ARID4A: variants seen among roughly 807,000 people sequenced by gnomAD.
The protein encoded by ARID4A is AT-rich interaction domain 4A, also known as AT-rich interactive domain-containing protein 4A.
In ARID4A, 39 loss-of-function variants were observed where a neutral mutation model predicts 148.6. The ratio of observed to expected loss-of-function variants is 0.26; its 90% CI spans 0.20 to 0.34. The LOEUF is 0.34. Ranked by LOEUF, ARID4A falls within the 10% of genes least tolerant of loss-of-function variation. The pLI is 1.00. For missense variants in ARID4A, 1,265 were observed against 1,449.1 expected, an observed-to-expected ratio of 0.87 and a Z score of 2.06; for synonymous variants, 475 against 481.2, an observed-to-expected ratio of 0.99 and a Z score of 0.17.
intron 17 of ARID4A, among the ~76,000 whole-genome samples, chr14:58,358,806 T>C (rs532229980): frequency 6.6e-6 from 1 of 152,320 alleles, no homozygotes; most frequent in East Asian, 1.9e-4. Flanking sequence ...CAGATCTGAT[T>C]ATAAGCTCAG....
At chr14:58,336,309 C>G (rs1451513412) in intron 11 of ARID4A, among the ~76,000 whole-genome samples, 1 of 152,128 alleles carries the variant, frequency 6.6e-6, no homozygotes, top group African/African-American at 2.4e-5. Context: ...TTTCTTTCTT[C>G]TAAGCTATAT....
intron 3 of ARID4A, among the ~76,000 whole-genome samples, 188 bp from the exon 4 acceptor site, chr14:58,304,756 G>A (rs2031467394): frequency 6.6e-6 from 1 of 152,062 alleles, no homozygotes; most frequent in Non-Finnish European, 1.5e-5. Flanking sequence ...TGGGGATATA[G>A]CAATGAAGGG....
Position 58,301,706 on chromosome 14 carries a change from A to C in ARID4A, c.117+16A>C. The C allele has an allele frequency of 6.3e-7, 1 of 1,591,676 alleles. No individual in the cohort carries two copies. The highest frequency in any genetic ancestry group is 8.6e-7 in the Non-Finnish European group (1 of 1,161,176). On this transcript the variant is annotated intron_variant, in intron 3 of 23. Transcript: ENST00000355431. ...GAAAGTTAAGGTAATATTTGTTTTT[A>C]TGCAATAGTTTTATTAACTCTAGAT...
chr14:58,317,502 G>A (rs1240322227), intron 5 of ARID4A, among the ~76,000 whole-genome samples: 1 of 150,750 alleles, frequency 6.6e-6, no homozygotes, highest in South Asian at 2.1e-4. Flanking sequence ...TAGCCAGGAT[G>A]GTCTCGATTT....
rs376865662 is a variant in ARID4A at position 58,354,827 on chromosome 14, G to A, written c.1853+972G>A. On this transcript the variant is annotated intron_variant, in intron 17 of 23. Coordinates refer to ENST00000355431, the MANE Select transcript of ARID4A (RefSeq NM_002892.4). ...GACCAAGGTAACATTATAATTGGTAGAGAAACAGCAATCACCCACATTAGT... is the reference window on the plus strand; with the variant it reads ...GACCAAGGTAACATTATAATTGGTAAAGAAACAGCAATCACCCACATTAGT... Among the ~76,000 whole-genome samples, 4 of 152,290 alleles carry A rather than the reference G, an allele frequency of 2.6e-5. 1 individual carries two copies.
chr14:58,349,973 G>T (rs1262915354), intron 15 of ARID4A, among the ~76,000 whole-genome samples: 1 of 151,658 alleles, frequency 6.6e-6, no homozygotes, highest in Non-Finnish European at 1.5e-5. Flanking sequence ...GCTGGGCATG[G>T]TGGTGCGCGC....
intron 8 of ARID4A, among the ~76,000 whole-genome samples, chr14:58,325,744 G>T (rs767691346): frequency 1.3e-5 from 2 of 152,046 alleles, no homozygotes; most frequent in Non-Finnish European, 2.9e-5. Context: ...TCAGTTCCTA[G>T]ATAATAGATT....
At chr14:58,350,484 CAT>C (rs1456402279) in intron 15 of ARID4A, among the ~76,000 whole-genome samples, 4 of 152,166 alleles carry the variant, frequency 2.6e-5, no homozygotes, top group African/African-American at 7.2e-5. Context: ...GGTGGTAAAA[CAT>C]ATTGCTGTTG....
chr14:58,302,075 T>C (rs1348499798), intron 3 of ARID4A, among the ~76,000 whole-genome samples: 1 of 152,200 alleles, frequency 6.6e-6, no homozygotes, highest in Non-Finnish European at 1.5e-5. Flanking sequence ...GTTTATTTTG[T>C]GACTGGGCGT....
rs567073056 is a variant in ARID4A at position 58,312,412 on chromosome 14, C to T, written c.275-6130C>T. The stretch of plus-strand genomic sequence containing the variant: ...TATATTTTTAGTAGAGACGGGGTTT[C>T]GCCATGTTAGCCAGGCCAGTCTCGA... On this transcript the variant is annotated intron_variant, in intron 5 of 23. Transcript: ENST00000355431. Among the ~76,000 whole-genome samples, 34 of 151,970 alleles carry T rather than the reference C, an allele frequency of 2.2e-4. No individual in the cohort carries two copies. The South Asian group carries it at 3.3e-3, about 15-fold the overall frequency.
At chr14:58,331,995 A>ACCC (rs58313316) in intron 11 of ARID4A, among the ~76,000 whole-genome samples, 22 of 85,190 alleles carry the variant, frequency 2.6e-4, no homozygotes, top group East Asian at 8.5e-4. Context: ...CATTTTCCCT[A>ACCC]CCCCCCCCCC....
intron 8 of ARID4A, among the ~76,000 whole-genome samples, chr14:58,325,111 CAA>C (rs996340236): frequency 6.6e-6 from 1 of 152,122 alleles, no homozygotes; most frequent in African/African-American, 2.4e-5. Flanking sequence ...AAGCGATACA[CAA>C]GAGAATTATT....
intron 5 of ARID4A, among the ~76,000 whole-genome samples, chr14:58,317,062 G>A (rs1376817837): frequency 6.7e-6 from 1 of 149,542 alleles, no homozygotes; most frequent in Non-Finnish European, 1.5e-5. Flanking sequence ...GCGTGGTGAC[G>A]TGTGCCTGTA....
chr14:58,367,243 G>A (rs1453734842), intron 23 of ARID4A, among the ~76,000 whole-genome samples: 4 of 152,198 alleles, frequency 2.6e-5, no homozygotes, highest in Non-Finnish European at 4.4e-5. Context: ...TCCAAAATGG[G>A]TGATTGTACT....
At chr14:58,305,723 A>G (rs931672280) in intron 4 of ARID4A, among the ~76,000 whole-genome samples, 1 of 152,190 alleles carries the variant, frequency 6.6e-6, no homozygotes, top group South Asian at 2.1e-4. Context: ...GCTCTAAAGT[A>G]AGATTTAAGA....
chr14:58,342,496 C>T (rs2034161883), intron 11 of ARID4A, among the ~76,000 whole-genome samples: 1 of 152,090 alleles, frequency 6.6e-6, no homozygotes, highest in African/African-American at 2.4e-5. Flanking sequence ...ACCTAATTTG[C>T]AATTGATGAG....
rs2035305761 is a variant in ARID4A at position 58,365,273 on chromosome 14, G to T, written c.3184G>T (p.Val1062Leu). ...NVASGTCSII[V>L]QERESREKGQ... ...TGCCTCTGGTACCTGTAGTATAATTGTACAAGAGAGAGAGAGCAGAGAGAA... is the reference window on the plus strand; with the variant it reads ...TGCCTCTGGTACCTGTAGTATAATTTTACAAGAGAGAGAGAGCAGAGAGAA... Residue 1062 changes from valine (V) to leucine (L), a missense_variant, in exon 20 of 24, where the codon GTA becomes TTA. Physicochemically the swap from Val to Leu is conservative, Grantham distance 32. This residue lies in a region of ARID4A where 666 missense variants were observed against 730.9 expected (regional missense o/e 0.91). Transcript: ENST00000355431. 3 of 1,613,540 alleles carry T rather than the reference G, an allele frequency of 1.9e-6. No homozygotes were observed. The highest frequency in any genetic ancestry group is 2.5e-6 in the Non-Finnish European group (3 of 1,179,706).
intron 5 of ARID4A, among the ~76,000 whole-genome samples, chr14:58,313,887 G>T (rs1021789743): frequency 2.6e-5 from 4 of 152,092 alleles, no homozygotes; most frequent in African/African-American, 9.7e-5. Flanking sequence ...CTGGGCCTCC[G>T]GCCAATTGGA....
At position 58,345,574 on chromosome 14, in the gene ARID4A, G is replaced by T. The variant is rs542149979; in HGVS notation, c.979+807G>T. ...ATTTGTTAGTCCTAGAAAATCTTAA[G>T]ATAAATTGGTCCTAAACATTCTGTG... On this transcript the variant is annotated intron_variant, in intron 12 of 23. Transcript: ENST00000355431. Among the ~76,000 whole-genome samples the T allele has an allele frequency of 2.3e-3, 354 of 152,156 alleles. 4 individuals are homozygous for T. Among genetic ancestry groups the T allele is most frequent in the African/African-American group, 8.1e-3 (336 of 41,524 alleles).
Sources: gnomAD v4.1 joint callset for allele counts (sites outside exome capture counted in the v4.1 genomes callset) on GRCh38, gnomAD v4.1.1 for gene constraint, gnomAD v4.1.1 regional missense constraint, MANE v1.5 for transcripts, NCBI Gene and HGNC (gene_info 2026-07-23, HGNC 2026-07-21) for gene names.